M1AP: variants seen among roughly 807,000 people sequenced by gnomAD.
M1AP encodes the protein meiosis 1 associated protein.
A neutral mutation model predicts 51.2 loss-of-function variants in M1AP; 39 were observed. The observed-to-expected ratio is 0.76, with a 90% confidence interval of 0.59 to 1.00. M1AP has a LOEUF of 1.00. M1AP is among the 50% of genes least tolerant of loss of function. The pLI, the probability that M1AP is intolerant of heterozygous loss-of-function variation, is 0.00. For synonymous variants in M1AP, 251 were observed against 249.2 expected (o/e 1.01, Z -0.07); for missense variants, 545 against 641.2 (o/e 0.85, Z 1.62).
rs1678097371 is a variant in M1AP, at chr2:74,562,560, A to G, written c.1075-137T>C. On this transcript the variant is annotated intron_variant, in intron 7 of 10. Transcript: ENST00000421985. ...CCATTTAACTTCGGCCCTGGTAGGG[A>G]GGGACTTCCTGCATGAATCATCAAT... 3.7e-6 allele frequency: 3 copies of G among 802,660 alleles called. No homozygotes were observed. In the South Asian group the frequency reaches 5.3e-5, roughly 14 times the overall value. The allele number at this position is 802,660 out of a possible 1,614,324, so 49.7% of individuals were successfully genotyped here. A position where few individuals can be genotyped will look rare whatever the true frequency, so the allele number is the denominator to read the frequency against.
chr2:74,616,580 AC>A (rs1364513949), intron 2 of M1AP, among the ~76,000 whole-genome samples: 26 of 152,248 alleles, frequency 1.7e-4, no homozygotes, highest in Non-Finnish European at 4.4e-5. Context: ...ATGCTTGGCA[AC>A]CTTTTATTGA....
chr2:74,576,456 T>C lies in M1AP; in HGVS notation c.932A>G (p.Lys311Arg), dbSNP rs746452484. 1.2e-6 allele frequency: 2 copies of C among 1,613,506 alleles called. No individual in the cohort carries two copies. The highest frequency in any genetic ancestry group is 4.5e-5 in the East Asian group (2 of 44,882). The change falls in exon 6 of 11, where the codon AAG becomes AGG. Residue 311 changes from lysine to arginine, a missense_variant and splice_region_variant. Coordinates refer to ENST00000421985, the MANE Select transcript of M1AP (RefSeq NM_001321739.2). ...SASHYKLQVI[K>R]ALKSSGLCES... ...TTGGGGAGGTTCCCTTGGACCATAC[T>C]TGATCACTTGGAGCTTGTAATGAGA...
At chr2:74,647,143 A>G (rs1181442114) in intron 1 of M1AP, 1 of 886,278 alleles carries the variant, frequency 1.1e-6, no homozygotes, top group Admixed American at 6.2e-5. Context: ...AAACCCTCCA[A>G]GGACTTCCAA....
intron 2 of M1AP, among the ~76,000 whole-genome samples, chr2:74,632,152 G>T (rs1242557020): frequency 6.6e-6 from 1 of 152,076 alleles, no homozygotes; most frequent in Non-Finnish European, 1.5e-5. Flanking sequence ...CTGATTCCTG[G>T]TTAAAAACCT....
intron 9 of M1AP, among the ~76,000 whole-genome samples, chr2:74,559,938 C>A (rs964384239): frequency 2.6e-5 from 4 of 152,188 alleles, no homozygotes; most frequent in African/African-American, 4.8e-5. Context: ...AATTAAAACA[C>A]CTGAACATTA....
intron 1 of M1AP, among the ~76,000 whole-genome samples, chr2:74,644,929 ATC>A (rs1683512411): frequency 6.6e-6 from 1 of 152,084 alleles, no homozygotes; most frequent in African/African-American, 2.4e-5. Context: ...ATCCATCTCC[ATC>A]TCTCACATCT....
rs363695 is a variant in M1AP, at chr2:74,618,518, G to A, written c.241-3369C>T. Among the ~76,000 whole-genome samples the A allele has an allele frequency of 1.3e-3, 204 of 152,324 alleles. 1 individual carries two copies. Among genetic ancestry groups the A allele is most frequent in the Middle Eastern group, 3.4e-3 (1 of 294 alleles). ...CAACAGTAGCTTCTGAGGTGTGGGTGTTGTGGGTCAGAAACAATCCTCGAT... is the reference window on the plus strand; with the variant it reads ...CAACAGTAGCTTCTGAGGTGTGGGTATTGTGGGTCAGAAACAATCCTCGAT... On this transcript the variant is annotated intron_variant, in intron 2 of 10. Coordinates refer to ENST00000421985, the MANE Select transcript of M1AP (RefSeq NM_001321739.2).
intron 5 of M1AP, 42 bp from the exon 6 acceptor site, chr2:74,576,660 G>A (rs748435404): frequency 3.1e-6 from 5 of 1,602,188 alleles, no homozygotes; most frequent in Non-Finnish European, 4.3e-6. Context: ...ACTACAATTG[G>A]AGGAAGGATT....
intron 3 of M1AP, among the ~76,000 whole-genome samples, chr2:74,614,026 G>T (rs1477948907): frequency 6.6e-6 from 1 of 152,202 alleles, no homozygotes; most frequent in Non-Finnish European, 1.5e-5. Context: ...GCCTCAAGGT[G>T]ATCTTCCTGC....
intron 4 of M1AP, among the ~76,000 whole-genome samples, chr2:74,587,343 C>T (rs1432844324): frequency 4.6e-5 from 7 of 152,022 alleles, no homozygotes; most frequent in African/African-American, 1.2e-4. Flanking sequence ...GGACTACAGG[C>T]GCCTGCTGCC....
intron 4 of M1AP, among the ~76,000 whole-genome samples, chr2:74,600,274 A>C (rs182038763): frequency 1.3e-5 from 2 of 152,356 alleles, no homozygotes; most frequent in African/African-American, 2.4e-5. Flanking sequence ...AACTATTTAG[A>C]ACAGAAAGTA....
At chr2:74,612,410 G>C (rs1424868596) in intron 3 of M1AP, among the ~76,000 whole-genome samples, 1 of 151,808 alleles carries the variant, frequency 6.6e-6, no homozygotes, top group Admixed American at 6.6e-5. Flanking sequence ...TGTAGAGATG[G>C]GATCTCACTA....
intron 2 of M1AP, among the ~76,000 whole-genome samples, chr2:74,636,769 T>C (rs2104827014): frequency 6.6e-6 from 1 of 152,184 alleles, no homozygotes; most frequent in South Asian, 2.1e-4. Context: ...ATAATATAAT[T>C]GTCTTAGGTA....
At chr2:74,639,626 T>TG (rs1683177586) in intron 2 of M1AP, among the ~76,000 whole-genome samples, 2 of 152,222 alleles carry the variant, frequency 1.3e-5, no homozygotes, top group Admixed American at 1.3e-4. Flanking sequence ...AACTGGTACC[T>TG]GGGTTAAAGG....
At chr2:74,615,353 A>G (rs990449825) in intron 2 of M1AP, 10 of 555,150 alleles carry the variant, frequency 1.8e-5, no homozygotes, top group African/African-American at 1.5e-4. Context: ...ATTTGCAGCC[A>G]TAAAGGTTTT....
At chr2:74,592,369 CTTAA>C (rs1179781960) in intron 4 of M1AP, among the ~76,000 whole-genome samples, 8 of 152,056 alleles carry the variant, frequency 5.3e-5, no homozygotes, top group Non-Finnish European at 1.0e-4. Flanking sequence ...TTGGTATAGT[CTTAA>C]TTATCATTTC....
chr2:74,577,790 A>G (rs1297347559), intron 5 of M1AP, among the ~76,000 whole-genome samples: 1 of 152,106 alleles, frequency 6.6e-6, no homozygotes, highest in Non-Finnish European at 1.5e-5. Context: ...TGACTTCTCC[A>G]TTTCCGGTCC....
intron 2 of M1AP, among the ~76,000 whole-genome samples, chr2:74,629,852 T>C (rs1035928693): frequency 2.0e-5 from 3 of 152,160 alleles, no homozygotes; most frequent in African/African-American, 7.2e-5. Context: ...CCCTAAGTCA[T>C]TATGTACATG....
intron 4 of M1AP, among the ~76,000 whole-genome samples, chr2:74,587,210 T>C (rs1354802837): frequency 6.6e-6 from 1 of 151,980 alleles, no homozygotes; most frequent in Admixed American, 6.6e-5. Context: ...TTTTTCTTTT[T>C]TCTTTTGAGA....
Sources: gnomAD v4.1 joint callset for allele counts (sites outside exome capture counted in the v4.1 genomes callset) on GRCh38, gnomAD v4.1.1 for gene constraint, MANE v1.5 for transcripts, NCBI Gene and HGNC (gene_info 2026-07-23, HGNC 2026-07-21) for gene names.